Variants in AK8 observed in about 807,000 individuals in gnomAD.
The protein encoded by AK8 is adenylate kinase 8, also known as ATP-AMP transphosphorylase 8.
Under a neutral mutation model 54.6 loss-of-function variants are expected in AK8, and 44 were observed. The ratio of observed to expected loss-of-function variants is 0.81; its 90% confidence interval spans 0.63 to 1.04. The LOEUF is 1.04. AK8 is among the 50% of genes least tolerant of loss of function. The probability of loss-of-function intolerance (pLI) is 0.00; values close to 1 mark genes in which losing one functional copy is unlikely to be tolerated. For synonymous variants in AK8, 239 were observed against 245.6 expected (o/e 0.97, Z 0.25); for missense variants, 555 against 613.6 (o/e 0.90, Z 1.01).
At chr9:132,733,613 C>T (rs1290941085) in intron 11 of AK8, among the ~76,000 whole-genome samples, 1 of 152,226 alleles carries the variant, frequency 6.6e-6, no homozygotes, top group Non-Finnish European at 1.5e-5. Context: ...GAGGGCCCTG[C>T]TCCATGCTGG....
At position 132,781,221 on chromosome 9, in the gene AK8, A is replaced by AT. The variant is rs751794600; in HGVS notation, c.1121+11412dup. On this transcript the variant is annotated intron_variant, in intron 11 of 12. Coordinates refer to ENST00000298545, the MANE Select transcript of AK8 (RefSeq NM_152572.3). The surrounding 1 kb of genome is among the most constrained non-coding windows in gnomAD (Gnocchi z 4.6). ...TACGTTTTAACAAACTTTATAGCCC[A>AT]TTTTATTTGTTCTGAAATAACTTTT... 1.3e-5 allele frequency among the ~76,000 whole-genome samples: 2 copies of AT among 151,742 alleles called. No homozygotes were observed. The highest frequency in any genetic ancestry group is 2.9e-5 in the Non-Finnish European group (2 of 67,932).
At chr9:132,741,037 C>T (rs1000729895) in intron 11 of AK8, among the ~76,000 whole-genome samples, 3 of 152,110 alleles carry the variant, frequency 2.0e-5, no homozygotes, top group African/African-American at 7.2e-5. Flanking sequence ...CCCAGCCTTC[C>T]TGCCACATGG....
chr9:132,756,952 C>A (rs1040340503), intron 11 of AK8, among the ~76,000 whole-genome samples: 13 of 152,186 alleles, frequency 8.5e-5, no homozygotes, highest in South Asian at 2.1e-4. Flanking sequence ...CATTTCCCCC[C>A]CAAATATTTA....
rs568201656 is a variant in AK8, at chr9:132,790,906, T to C, written c.1121+1728A>G. ...TCTTGAAAAACCCCCTTAGAAAATA[T>C]GGAATGAAAATATCTTATTATAATA... On this transcript the variant is annotated intron_variant, in intron 11 of 12. Coordinates refer to ENST00000298545, the MANE Select transcript of AK8 (RefSeq NM_152572.3). This position sits in a 1 kb window ranked among gnomAD's most constrained non-coding sequence, Gnocchi z 4.1. Among the ~76,000 whole-genome samples the C allele has an allele frequency of 1.3e-5, 2 of 152,056 alleles. No homozygotes were observed. The highest frequency in any genetic ancestry group is 6.6e-5 in the Admixed American group (1 of 15,258).
intron 5 of AK8, among the ~76,000 whole-genome samples, chr9:132,850,767 C>T: frequency 6.6e-6 from 1 of 151,320 alleles, no homozygotes; most frequent in East Asian, 2.0e-4. Flanking sequence ...CTCCTGGACT[C>T]AAGCAATCCT....
intron 11 of AK8, among the ~76,000 whole-genome samples, chr9:132,783,811 GAAACAAAA>G (rs1839577734): frequency 6.6e-6 from 1 of 151,940 alleles, no homozygotes; most frequent in South Asian, 2.1e-4. Flanking sequence ...AAGCATTATG[GAAACAAAA>G]AAACAAATGA....
Position 132,753,806 on chromosome 9 carries a change from C to T in AK8, c.1122-26272G>A, listed in dbSNP as rs1024548200. On this transcript the variant is annotated intron_variant, in intron 11 of 12. Coordinates refer to ENST00000298545, the MANE Select transcript of AK8 (RefSeq NM_152572.3). ...ATCCCTGCAGCCTCCTGGAGTGGCA[C>T]GCAGGTGACAATGGGGACTGCAGGG... 5.3e-5 allele frequency among the ~76,000 whole-genome samples: 8 copies of T among 152,316 alleles called. No homozygotes were observed. The South Asian group carries it at 1.2e-3, about 24-fold the overall frequency.
chr9:132,834,677 C>T (rs764147534), intron 5 of AK8, among the ~76,000 whole-genome samples: 6 of 152,130 alleles, frequency 3.9e-5, no homozygotes, highest in African/African-American at 7.2e-5. Flanking sequence ...CTTACAACGC[C>T]GAAATATGCA....
intron 5 of AK8, among the ~76,000 whole-genome samples, chr9:132,850,491 G>C (rs1482823255): frequency 6.6e-6 from 1 of 150,758 alleles, no homozygotes; most frequent in African/African-American, 2.4e-5. Flanking sequence ...CTGCCTACTG[G>C]GTTCAAGTGA....
chr9:132,868,634 AG>A (rs1407847905), intron 2 of AK8, among the ~76,000 whole-genome samples: 1 of 152,188 alleles, frequency 6.6e-6, no homozygotes, highest in Non-Finnish European at 1.5e-5. Flanking sequence ...AAACAGGTGG[AG>A]TTGCTGTCCC....
chr9:132,875,058 G>A lies in AK8; in HGVS notation c.169+57C>T, dbSNP rs1292868825. On this transcript the variant is annotated intron_variant, in intron 2 of 12. Coordinates refer to ENST00000298545, the MANE Select transcript of AK8 (RefSeq NM_152572.3). Reference sequence around the variant, plus strand: ...AGGCAGAGGAGTCAGGGAAGAAGGGGAAGGAGGAGGAGGGGAAGGGAAGAC... The same window carrying A: ...AGGCAGAGGAGTCAGGGAAGAAGGGAAAGGAGGAGGAGGGGAAGGGAAGAC... The A allele has an allele frequency of 4.4e-6, 7 of 1,604,666 alleles. No homozygotes were observed. In the East Asian group the frequency reaches 1.3e-4, roughly 31 times the overall value.
At chr9:132,817,311 C>T (rs1000864626) in intron 9 of AK8, among the ~76,000 whole-genome samples, 2 of 152,138 alleles carry the variant, frequency 1.3e-5, no homozygotes, top group Non-Finnish European at 1.5e-5. Flanking sequence ...ATGTGAGAAA[C>T]ACAATGTCTA....
At chr9:132,812,564 G>GGGATGACGGGTGAGCCGCCGC (rs1564415185) in intron 10 of AK8, among the ~76,000 whole-genome samples, 45 of 10,676 alleles carry the variant, frequency 4.2e-3, no homozygotes, top group African/African-American at 6.3e-3. Flanking sequence ...CGCCGCGCCC[G>GGGATGACGGGTGAGCCGCCGC]GCCGCTAGGT....
intron 11 of AK8, among the ~76,000 whole-genome samples, chr9:132,741,443 C>T (rs919805436): frequency 6.6e-6 from 1 of 152,162 alleles, no homozygotes; most frequent in Non-Finnish European, 1.5e-5. Flanking sequence ...TCTGTTTGGA[C>T]GCCAGTCAAG....
intron 4 of AK8, among the ~76,000 whole-genome samples, chr9:132,863,008 T>C (rs1564444999): frequency 6.6e-6 from 1 of 152,370 alleles, no homozygotes; most frequent in East Asian, 1.9e-4. Context: ...GAGTTTCTAT[T>C]TGTATTAAAG....
At chr9:132,852,467 G>A (rs529865056) in intron 5 of AK8, among the ~76,000 whole-genome samples, 7 of 152,110 alleles carry the variant, frequency 4.6e-5, no homozygotes, top group African/African-American at 7.2e-5. Context: ...AAAATTAGCC[G>A]GGTGTGGTGG....
At chr9:132,818,644 G>A (rs1841438850) in intron 9 of AK8, among the ~76,000 whole-genome samples, 1 of 152,080 alleles carries the variant, frequency 6.6e-6, no homozygotes, top group Non-Finnish European at 1.5e-5. Context: ...CCAAAAGGTG[G>A]CAGGAAAGGA....
rs370433606 is a variant in AK8 at position 132,814,603 on chromosome 9, G to A, written c.979+35C>T. 26 of 1,594,276 alleles carry A rather than the reference G, an allele frequency of 1.6e-5. No homozygotes were observed. The African/African-American group carries it at 2.4e-4, about 15-fold the overall frequency. Reference sequence around the variant, plus strand: ...AAAAAGAAAGTTCTCTCTGGAGCCTGTAAGGTCATGACAGTTAGTGGGAAC... The same window carrying A: ...AAAAAGAAAGTTCTCTCTGGAGCCTATAAGGTCATGACAGTTAGTGGGAAC... On this transcript the variant is annotated intron_variant, in intron 10 of 12. Coordinates refer to ENST00000298545, the MANE Select transcript of AK8 (RefSeq NM_152572.3).
At chr9:132,773,083 C>T (rs1839058176) in intron 11 of AK8, among the ~76,000 whole-genome samples, 1 of 152,242 alleles carries the variant, frequency 6.6e-6, no homozygotes, top group South Asian at 2.1e-4. Flanking sequence ...AAGCCGAATT[C>T]CTTCAAGGTC....
Sources: allele counts gnomAD v4.1 joint callset (sites outside exome capture counted in the v4.1 genomes callset), GRCh38; gene constraint gnomAD v4.1.1; non-coding constraint Gnocchi (gnomAD v3.1); transcripts MANE v1.5; gene names NCBI Gene and HGNC (gene_info 2026-07-23, HGNC 2026-07-21).